TTN: variants seen among roughly 807,000 people sequenced by gnomAD.
The protein encoded by TTN is titin.
TTN carries 1,525 observed loss-of-function variants against 3,223.0 expected under a neutral mutation model. The ratio of observed to expected loss-of-function variants is 0.47; its 90% CI spans 0.45 to 0.49. The LOEUF (loss-of-function observed/expected upper bound fraction) is 0.49. Among genes scored for constraint, TTN ranks in the 20% least tolerant of loss-of-function variants. The probability of loss-of-function intolerance (pLI) is 0.00; values close to 1 mark genes in which losing one functional copy is unlikely to be tolerated. For synonymous variants in TTN, 14,094 were observed against 15,161.0 expected (o/e 0.93, Z 5.17); for missense variants, 40,786 against 43,424.0 (o/e 0.94, Z 5.40).
Position 178,757,925 on chromosome 2 carries a change from A to G in TTN, c.10304-9T>C. On this transcript the variant is annotated splice_polypyrimidine_tract_variant and intron_variant, in intron 44 of 362. Transcript: ENST00000589042. ...TTCAAATTTGCTAAATCCTGAAAAG[A>G]AGCATACCAATTTTTAATGTCTTAC... The G allele has an allele frequency of 6.6e-7, 1 of 1,514,796 alleles. No homozygotes were observed. The highest frequency in any genetic ancestry group is 8.8e-7 in the Non-Finnish European group (1 of 1,133,226). The allele number at this position is 1,514,796 out of a possible 1,614,324, so 93.8% of individuals were successfully genotyped here.
chr2:178,663,592 T>G, intron 171 of TTN, 35 bp downstream of exon 171: 1 of 1,613,578 alleles, frequency 6.2e-7, no homozygotes, highest in Non-Finnish European at 8.5e-7. Context: ...GCAGAAGAGA[T>G]ACATCATCTG....
Position 178,575,542 on chromosome 2 carries a change from A to G in TTN, c.70590T>C (p.Ser23530=). 1 of 1,613,648 alleles carries G rather than the reference A, an allele frequency of 6.2e-7. No individual in the cohort carries two copies. The highest frequency in any genetic ancestry group is 1.7e-5 in the Admixed American group (1 of 60,000). Reference sequence around the variant, plus strand: ...GGCTGTCTGGTGGAGATGGTGCTTCAGAGGCTTTTACGGGCTCTGTAGTTT... The same window carrying G: ...GGCTGTCTGGTGGAGATGGTGCTTCGGAGGCTTTTACGGGCTCTGTAGTTT... ...PTETTEPVKA[S]EAPSPPDSLN... The change falls in exon 326 of 363, where the codon TCT becomes TCC. Residue 23530 remains serine (S), a synonymous_variant. Transcript: ENST00000589042. The surrounding 1 kb of genome is among the most constrained non-coding windows in gnomAD (Gnocchi z 4.0).
At chr2:178,695,713 A>G (rs2073576082) in intron 114 of TTN, among the ~76,000 whole-genome samples, 152 bp downstream of exon 114, 1 of 152,022 alleles carries the variant, frequency 6.6e-6, no homozygotes, top group Non-Finnish European at 1.5e-5. Context: ...CTCTGAGGAA[A>G]ATAACTTTTA....
intron 135 of TTN, 133 bp downstream of exon 135, chr2:178,682,564 G>A (rs992201986): frequency 1.2e-6 from 1 of 854,848 alleles, no homozygotes; most frequent in Admixed American, 3.2e-5. Flanking sequence ...TTCCGCATTT[G>A]CGAAATGAAA....
chr2:178,634,778 ACCAGCTTGGT>A lies in TTN; in HGVS notation c.42086_42095del (p.Asp14029ValfsTer16). 1 of 1,613,232 alleles carries A rather than the reference ACCAGCTTGGT, an allele frequency of 6.2e-7. No homozygotes were observed. Among genetic ancestry groups the A allele is most frequent in the Non-Finnish European group, 8.5e-7 (1 of 1,179,430 alleles). On this transcript the variant is annotated frameshift_variant, in exon 229 of 363. Transcript: ENST00000589042. LOFTEE classifies it high-confidence loss of function. This position sits in a 1 kb window ranked among gnomAD's most constrained non-coding sequence, Gnocchi z 4.6. ...CATTAAGGGCCTGGTAGAGGACTTC[ACCAGCTTGGT>A]CCAGTTTGACTTTGTGCAAAGTTAA... is the stretch of plus-strand genomic sequence containing the variant.
At chr2:178,538,396 A>AT in intron 354 of TTN, 144 bp downstream of exon 354, 3 of 755,462 alleles carry the variant, frequency 4.0e-6, no homozygotes, top group Non-Finnish European at 6.0e-6. Context: ...AGAACTTGTC[A>AT]TATTTCCTGT....
rs1704907132 is a variant in TTN, at chr2:178,564,440, G to A, written c.81692C>T (p.Thr27231Ile). The A allele has an allele frequency of 1.9e-6, 3 of 1,612,554 alleles. No individual in the cohort carries two copies. The highest frequency in any genetic ancestry group is 1.1e-5 in the South Asian group (1 of 91,020). ...TTGGTCTTCTACAAGTCCACTCACTGTAAATTCAGTTTCTAATACGTTGGT... is the reference window on the plus strand; with the variant it reads ...TTGGTCTTCTACAAGTCCACTCACTATAAATTCAGTTTCTAATACGTTGGT... ...SFTNVLETEF[T>I]VSGLVEDQRY... Residue 27231 changes from threonine (T) to isoleucine (I), a missense_variant, in exon 326 of 363, where the codon ACA becomes ATA. By Grantham distance (89) the Thr-to-Ile change is moderately conservative. Coordinates refer to ENST00000589042, the MANE Select transcript of TTN (RefSeq NM_001267550.2).
At position 178,773,164 on chromosome 2, in the gene TTN, T is replaced by G; in HGVS notation, c.7800A>C (p.Gly2600=). The G allele has an allele frequency of 6.2e-7, 1 of 1,613,908 alleles. No individual in the cohort carries two copies. Among genetic ancestry groups the G allele is most frequent in the Non-Finnish European group, 8.5e-7 (1 of 1,179,932 alleles). ...TTTCTCCCGCGTAAAATGTGTATTT[T>G]CCTTCATCATCTTTCATCATATTTA... The part of the protein sequence containing the change: ...TVLNMMKDDE[G]KYTFYAGENM... The change falls in exon 33 of 363, where the codon GGA becomes GGC. Residue 2600 remains glycine (G), a synonymous_variant. Transcript: ENST00000589042.
In TTN at chr2:178,570,195, C is replaced by A; in HGVS notation, c.75937G>T (p.Val25313Phe). 2 of 1,613,450 alleles carry A rather than the reference C, an allele frequency of 1.2e-6. No individual in the cohort carries two copies. The highest frequency in any genetic ancestry group is 1.7e-6 in the Non-Finnish European group (2 of 1,179,614). ...ATTGAGTCCTTGGTCACTGTTGTGA[C>A]TTCTGGAGCTTTTGGTGCATCTGGT... ...VVPDAPKAPE[V>F]TTVTKDSMIV... The change falls in exon 326 of 363, where the codon GTC becomes TTC. Residue 25313 changes from valine (V) to phenylalanine (F), a missense_variant. Val to Phe is a conservative substitution (Grantham distance 50, BLOSUM62 -1). Coordinates refer to ENST00000589042, the MANE Select transcript of TTN (RefSeq NM_001267550.2).
Position 178,566,065 on chromosome 2 carries a change from A to G in TTN, c.80067T>C (p.Asn26689=), listed in dbSNP as rs1174003503. The G allele has an allele frequency of 6.2e-7, 1 of 1,613,620 alleles. No homozygotes were observed. The highest frequency in any genetic ancestry group is 8.5e-7 in the Non-Finnish European group (1 of 1,179,644). The change falls in exon 326 of 363, where the codon AAT becomes AAC. Residue 26689 remains asparagine (N), a synonymous_variant. Transcript: ENST00000589042. Reference sequence around the variant, plus strand: ...CTTTTCTCACTTCTTTGACTGCCAAATTCTGTGGTGGTCCTGGAGTGTCAA... The same window carrying G: ...CTTTTCTCACTTCTTTGACTGCCAAGTTCTGTGGTGGTCCTGGAGTGTCAA... ...KVLDTPGPPQ[N]LAVKEVRKDS...
At position 178,567,982 on chromosome 2, in the gene TTN, G is replaced by T; in HGVS notation, c.78150C>A (p.Phe26050Leu). ...TGCCTTCTTCAAGATTCTGTGCTTT[G>T]AATTGGGTGTCATGAATAATAGTTT... ...VNKTIIHDTQ[F>L]KAQNLEEGIE... The change falls in exon 326 of 363, where the codon TTC becomes TTA. Residue 26050 changes from phenylalanine (F) to leucine (L), a missense_variant. Phe to Leu is a conservative substitution (Grantham distance 22). Transcript: ENST00000589042. 1 of 1,613,482 alleles carries T rather than the reference G, an allele frequency of 6.2e-7. No individual in the cohort carries two copies. The highest frequency in any genetic ancestry group is 1.1e-5 in the South Asian group (1 of 91,066).
rs374883884 is a variant in TTN at position 178,576,606 on chromosome 2, C to G, written c.69638G>C (p.Arg23213Pro). 1.9e-6 allele frequency: 3 copies of G among 1,613,466 alleles called. No individual in the cohort carries two copies. The highest frequency in any genetic ancestry group is 2.5e-6 in the Non-Finnish European group (3 of 1,179,636). Residue 23213 changes from arginine to proline, a missense_variant, in exon 325 of 363, where the codon CGT becomes CCT. Transcript: ENST00000589042. This position sits in a 1 kb window ranked among gnomAD's most constrained non-coding sequence, Gnocchi z 4.3. Reference protein sequence around the residue: ...GLQEGSTYEFRVSAENRAGIG... With the variant: ...GLQEGSTYEFPVSAENRAGIG... ...TCCTGCTCTGTTTTCTGCACTGACA[C>G]GGAATTCGTAGGTGCTTCCTTCTTG...
rs746193789 is a variant in TTN at position 178,615,613 on chromosome 2, G to C, written c.48460+28C>G. The C allele has an allele frequency of 7.4e-6, 12 of 1,611,352 alleles. No homozygotes were observed. In the South Asian group the frequency reaches 9.9e-5, roughly 13 times the overall value. ...AAAGCAAAAACAGGCAACAAGATTA[G>C]GTAAGAAATCATCAAGAATGTACTC... On this transcript the variant is annotated intron_variant, in intron 258 of 362. Coordinates refer to ENST00000589042, the MANE Select transcript of TTN (RefSeq NM_001267550.2).
chr2:178,735,748 C>T lies in TTN; in HGVS notation c.14698G>A (p.Ala4900Thr), dbSNP rs72648923. The T allele has an allele frequency of 2.5e-3, 4,111 of 1,613,770 alleles. 23 individuals are homozygous for T. The highest frequency in any genetic ancestry group is 2.4e-3 in the Non-Finnish European group (2,854 of 1,179,796). Residue 4900 changes from alanine to threonine, a missense_variant, in exon 50 of 363, where the codon GCT becomes ACT. Transcript: ENST00000589042. ...TCAAGGTGGACCTTCTTATTGATAG[C>T]GGACTGCACAGGCTCTAATTCTTTA... ...FIKELEPVQS[A>T]INKKVHLECQ... is the part of the protein sequence containing the mutation.
In TTN at chr2:178,558,568, A is replaced by G. The variant is rs781089608; in HGVS notation, c.86891T>C (p.Leu28964Pro). 1 of 1,613,814 alleles carries G rather than the reference A, an allele frequency of 6.2e-7. No individual in the cohort carries two copies. Among genetic ancestry groups the G allele is most frequent in the Admixed American group, 1.7e-5 (1 of 60,020 alleles). The change falls in exon 327 of 363, where the codon CTG (leucine) becomes CCG (proline). Residue 28964 changes from leucine to proline, a missense_variant. Coordinates refer to ENST00000589042, the MANE Select transcript of TTN (RefSeq NM_001267550.2). ...GCTTCCGCCATCATGTTCAGGCTTC[A>G]GCCAGGTCAGGGAAACACTGTCTTT... ...ISKDSVSLTW[L>P]KPEHDGGSRI...
At chr2:178,674,185 A>G in intron 151 of TTN, 129 bp downstream of exon 151, 2 of 638,158 alleles carry the variant, frequency 3.1e-6, no homozygotes, top group Non-Finnish European at 2.8e-6. Context: ...AGGTGCCAGG[A>G]ATAATTAATC....
rs865922152 is a variant in TTN, at chr2:178,572,498, A to G, written c.73634T>C (p.Leu24545Pro). 1.2e-6 allele frequency: 2 copies of G among 1,613,332 alleles called. No individual in the cohort carries two copies. Among genetic ancestry groups the G allele is most frequent in the African/African-American group, 1.3e-5 (1 of 75,006 alleles). Residue 24545 changes from leucine (L) to proline (P), a missense_variant, in exon 326 of 363, where the codon CTT becomes CCT. Leu to Pro is a moderately conservative substitution (Grantham distance 98). Coordinates refer to ENST00000589042, the MANE Select transcript of TTN (RefSeq NM_001267550.2). ...GTTCTTGATTTTTGAACCTCCATCA[A>G]GGAGAGGTGGGTCCCATGTGAGTGT... Reference protein sequence around the residue: ...SVTLTWDPPLLDGGSKIKNYI... With the variant: ...SVTLTWDPPLPDGGSKIKNYI...
At chr2:178,538,045 C>G in intron 354 of TTN, 128 bp from the exon 355 acceptor site, 2 of 891,120 alleles carry the variant, frequency 2.2e-6, no homozygotes, top group South Asian at 1.9e-5. Flanking sequence ...TAGCCTAATT[C>G]TTAAAAACTC....
In TTN at chr2:178,741,530, T is replaced by A. The variant is rs2082479451; in HGVS notation, c.11703A>T (p.Thr3901=). Residue 3901 remains threonine, a synonymous_variant, in exon 48 of 363, where the codon ACA becomes ACT. Coordinates refer to ENST00000589042, the MANE Select transcript of TTN (RefSeq NM_001267550.2). The part of the protein sequence containing the change: ...TCMASNDYGK[T]ICSAYLKINS... ...TAATTTTTAGATAGGCACTACATAT[T>A]GTCTTTCCATAGTCATTACTGGCCA... is the stretch of plus-strand genomic sequence containing the variant. 1 of 1,613,774 alleles carries A rather than the reference T, an allele frequency of 6.2e-7. No homozygotes were observed. Among genetic ancestry groups the A allele is most frequent in the South Asian group, 1.1e-5 (1 of 91,092 alleles).
Sources: allele counts gnomAD v4.1 joint callset (sites outside exome capture counted in the v4.1 genomes callset), GRCh38; gene constraint gnomAD v4.1.1; non-coding constraint Gnocchi (gnomAD v3.1); transcripts MANE v1.5; gene names NCBI Gene and HGNC (gene_info 2026-07-23, HGNC 2026-07-21).